BRWD1: variants seen among roughly 807,000 people sequenced by gnomAD.
The protein encoded by BRWD1 is bromodomain and WD repeat domain containing 1, also known as bromodomain and WD repeat-containing protein 1.
BRWD1 carries 82 observed loss-of-function variants against 251.2 expected under a neutral mutation model. That is an observed-to-expected ratio of 0.33 (90% CI 0.27 to 0.39). The LOEUF is 0.39. Among genes scored for constraint, BRWD1 ranks in the 10% least tolerant of loss-of-function variants. The pLI is 1.00. For synonymous variants in BRWD1, 918 were observed against 902.8 expected (o/e 1.02, Z -0.30); for missense variants, 2,233 against 2,711.6 (o/e 0.82, Z 3.92).
intron 4 of BRWD1, among the ~76,000 whole-genome samples, chr21:39,302,609 T>C (rs2036155718): frequency 6.6e-6 from 1 of 151,646 alleles, no homozygotes; most frequent in South Asian, 2.1e-4. Flanking sequence ...ATACAAAAAT[T>C]AGCCAGGCAT....
rs1207332093 is a variant in BRWD1, at chr21:39,187,464, C to A, written c.*8795G>T. On this transcript the variant is annotated 3_prime_UTR_variant, in exon 41 of 41. Transcript: ENST00000342449. ...ATGTAAATGCAAAAATCTTGTAACA[C>A]AAGATTTTACTACTGCTAACATTCC... 2.0e-6 allele frequency: 3 copies of A among 1,509,256 alleles called. No homozygotes were observed. The highest frequency in any genetic ancestry group is 2.6e-6 in the Non-Finnish European group (3 of 1,132,868). 93.5% of individuals were successfully genotyped at this position (1,509,256 alleles called of 1,614,324 possible).
chr21:39,268,422 C>T (rs1396084166), intron 15 of BRWD1, among the ~76,000 whole-genome samples: 1 of 120,468 alleles, frequency 8.3e-6, no homozygotes, highest in Admixed American at 9.6e-5. Context: ...GCCTGGGCAA[C>T]AAGAGAGAAA....
Position 39,264,398 on chromosome 21 carries a change from A to G in BRWD1, c.1885+62T>C, listed in dbSNP as rs994417450. On this transcript the variant is annotated intron_variant, in intron 17 of 40. Transcript: ENST00000342449. ...ATCTAAAGGTAAGGAAATTATTTAT[A>G]TTATACTTTAAAATATTCAAGTACA... 6 of 1,008,112 alleles carry G rather than the reference A, an allele frequency of 6.0e-6. No individual in the cohort carries two copies. The African/African-American group carries it at 8.7e-5, about 15-fold the overall frequency. 62.4% of individuals were successfully genotyped at this position (1,008,112 alleles called of 1,614,324 possible). A position where few individuals can be genotyped will look rare whatever the true frequency, so the allele number is the denominator to read the frequency against.
chr21:39,230,105 A>C (rs189092375), intron 25 of BRWD1, among the ~76,000 whole-genome samples: 2 of 152,320 alleles, frequency 1.3e-5, no homozygotes, highest in East Asian at 1.9e-4. Context: ...CTACTTATTC[A>C]TAAGTGTTCT....
At chr21:39,277,850 G>C (rs892238297) in intron 10 of BRWD1, among the ~76,000 whole-genome samples, 2 of 151,954 alleles carry the variant, frequency 1.3e-5, no homozygotes, top group African/African-American at 4.8e-5. Flanking sequence ...ACAGGCGTGA[G>C]CCAGCTGGTG....
In BRWD1 at chr21:39,199,457, T is replaced by C; in HGVS notation, c.4959A>G (p.Glu1653=). The change falls in exon 40 of 41, where the codon GAA becomes GAG. Residue 1653 remains glutamate (E), a synonymous_variant. Transcript: ENST00000342449. ...MSDVEENSSS[E]SVCSGRKLPH... ...GCAGCTTCCGACCAGAACAGACACT[T>C]TCAGAGCTAGAATTCTCTTCTACAT... 6.2e-7 allele frequency: 1 copy of C among 1,614,234 alleles called. No individual in the cohort carries two copies. Among genetic ancestry groups the C allele is most frequent in the Non-Finnish European group, 8.5e-7 (1 of 1,180,046 alleles).
At chr21:39,216,635 A>G in intron 31 of BRWD1, 1 of 343,654 alleles carries the variant, frequency 2.9e-6, no homozygotes, top group South Asian at 2.9e-5. Flanking sequence ...ATGACTGTAT[A>G]AATAACAGAA....
chr21:39,254,061 G>A (rs956965698), intron 19 of BRWD1, among the ~76,000 whole-genome samples: 1 of 152,164 alleles, frequency 6.6e-6, no homozygotes, highest in African/African-American at 2.4e-5. Flanking sequence ...GAGGTCGGGA[G>A]TTCAAGACAA....
At chr21:39,256,353 A>T (rs2034562497) in intron 18 of BRWD1, among the ~76,000 whole-genome samples, 1 of 152,260 alleles carries the variant, frequency 6.6e-6, no homozygotes, top group Admixed American at 6.5e-5. Flanking sequence ...GTTTTACAAG[A>T]GCTCTTGCAA....
At chr21:39,218,699 A>T in intron 29 of BRWD1, 39 bp from the exon 30 acceptor site, 1 of 1,483,854 alleles carries the variant, frequency 6.7e-7, no homozygotes, top group South Asian at 1.3e-5. Context: ...GAAGAAAAAA[A>T]CACAAAAAAT....
chr21:39,266,179 G>A (rs1029525269), intron 15 of BRWD1, among the ~76,000 whole-genome samples: 4 of 152,102 alleles, frequency 2.6e-5, no homozygotes, highest in Non-Finnish European at 5.9e-5. Context: ...TGTTGCACAT[G>A]AAAAGGATGA....
chr21:39,304,595 C>T (rs1411500757), intron 4 of BRWD1, among the ~76,000 whole-genome samples: 4 of 144,292 alleles, frequency 2.8e-5, no homozygotes, highest in Admixed American at 7.2e-5. Context: ...CCCTGGGCAA[C>T]AAAGTGAGAA....
chr21:39,297,542 T>C lies in BRWD1; in HGVS notation c.349+890A>G, dbSNP rs1355412371. 3 of 400,308 alleles carry C rather than the reference T, an allele frequency of 7.5e-6. No homozygotes were observed. In the Admixed American group the frequency reaches 1.9e-4, roughly 26 times the overall value. 24.8% of individuals were successfully genotyped at this position (400,308 alleles called of 1,614,324 possible). A position where few individuals can be genotyped will look rare whatever the true frequency, so the allele number is the denominator to read the frequency against. ...ATATAACCAGCTAAAATAGAATAAT[T>C]ACAAAGTGAATAGGGACACAGAAGA... On this transcript the variant is annotated intron_variant, in intron 5 of 40. Coordinates refer to ENST00000342449, the MANE Select transcript of BRWD1 (RefSeq NM_033656.4).
chr21:39,256,052 A>C (rs780664842), intron 18 of BRWD1, among the ~76,000 whole-genome samples: 2 of 152,210 alleles, frequency 1.3e-5, no homozygotes, highest in African/African-American at 4.8e-5. Context: ...GCCTGGCCTC[A>C]AGCAATCCTC....
At chr21:39,252,924 C>A (rs552282108) in intron 19 of BRWD1, among the ~76,000 whole-genome samples, 1 of 152,284 alleles carries the variant, frequency 6.6e-6, no homozygotes, top group South Asian at 2.1e-4. Flanking sequence ...TAAATTTCAA[C>A]CTACATCACA....
intron 4 of BRWD1, among the ~76,000 whole-genome samples, chr21:39,308,787 C>T (rs1166026464): frequency 6.6e-6 from 1 of 152,104 alleles, no homozygotes; most frequent in South Asian, 2.1e-4. Flanking sequence ...AAGACAAATA[C>T]AGAATGTAAA....
intron 10 of BRWD1, among the ~76,000 whole-genome samples, chr21:39,278,043 C>A (rs1329206650): frequency 6.6e-6 from 1 of 151,954 alleles, no homozygotes; most frequent in Non-Finnish European, 1.5e-5. Context: ...GAGATGGGTT[C>A]TCCCTATGTT....
At chr21:39,230,444 A>G (rs1192807664) in intron 25 of BRWD1, among the ~76,000 whole-genome samples, 1 of 152,248 alleles carries the variant, frequency 6.6e-6, no homozygotes, top group Non-Finnish European at 1.5e-5. Flanking sequence ...ACACTGAAAT[A>G]AAATACTAAA....
At chr21:39,233,479 T>C (rs550869192) in intron 23 of BRWD1, among the ~76,000 whole-genome samples, 7 of 151,968 alleles carry the variant, frequency 4.6e-5, no homozygotes, top group African/African-American at 1.7e-4. Context: ...TGTTATTAAA[T>C]GAAGAGACAA....
Sources: allele counts gnomAD v4.1 joint callset (sites outside exome capture counted in the v4.1 genomes callset), GRCh38; gene constraint gnomAD v4.1.1; transcripts MANE v1.5; gene names NCBI Gene and HGNC (gene_info 2026-07-23, HGNC 2026-07-21).